The following ABL1 variants were observed in gnomAD, a reference collection of about 807,000 sequenced individuals.
ABL1 encodes ABL proto-oncogene 1, non-receptor tyrosine kinase, also known as tyrosine-protein kinase ABL1.
Under a neutral mutation model 94.7 loss-of-function variants are expected in ABL1, and 11 were observed. The ratio of observed to expected loss-of-function variants is 0.12; its 90% CI spans 0.07 to 0.19. ABL1 has a LOEUF of 0.19. Ranked by LOEUF, ABL1 falls within the 10% of genes least tolerant of loss-of-function variation. The probability of loss-of-function intolerance (pLI) is 1.00; values close to 1 mark genes in which losing one functional copy is unlikely to be tolerated. For synonymous variants in ABL1, 656 were observed against 622.4 expected (o/e 1.05, Z -0.80); for missense variants, 1,082 against 1,489.4 (o/e 0.73, Z 4.50).
In ABL1 at chr9:130,880,165, A is replaced by T. The variant is rs773991002; in HGVS notation, c.1513+8A>T. On this transcript the variant is annotated splice_region_variant and intron_variant, in intron 9 of 10. Transcript: ENST00000318560. The surrounding 1 kb of genome is among the most constrained non-coding windows in gnomAD (Gnocchi z 4.4). ...AATCCAGTATCTCAGACGGTAAAGTACCCATCCCGGGGTACCTGCAGTGGG... is the reference window on the plus strand; with the variant it reads ...AATCCAGTATCTCAGACGGTAAAGTTCCCATCCCGGGGTACCTGCAGTGGG... 6.2e-7 allele frequency: 1 copy of T among 1,613,654 alleles called. No homozygotes were observed. Among genetic ancestry groups the T allele is most frequent in the Admixed American group, 1.7e-5 (1 of 59,998 alleles).
intron 1 of ABL1, among the ~76,000 whole-genome samples, chr9:130,822,013 T>C (rs1830369688): frequency 6.6e-6 from 1 of 152,162 alleles, no homozygotes; most frequent in African/African-American, 2.4e-5. Context: ...TAATTTTTTG[T>C]ATTTTTAGTA....
chr9:130,850,541 C>T (rs1400238977), intron 1 of ABL1, among the ~76,000 whole-genome samples: 2 of 152,208 alleles, frequency 1.3e-5, no homozygotes, highest in East Asian at 3.8e-4. Context: ...GAGTCTCACT[C>T]TGTTGCCCAG....
intron 6 of ABL1, among the ~76,000 whole-genome samples, chr9:130,874,612 C>T (rs992951400): frequency 6.6e-6 from 1 of 152,200 alleles, no homozygotes; most frequent in Non-Finnish European, 1.5e-5. Flanking sequence ...AACTGAGTCC[C>T]AGGGTAATTA....
Position 130,726,039 on chromosome 9 carries a change from C to T in ABL1, c.136+11584C>T, listed in dbSNP as rs147526442. ...AATTTAAAAAAAAAATTTATAGAGA[C>T]AGAGTCTTGCTATGGTGTCTAAGCT... On this transcript the variant is annotated intron_variant, in intron 1 of 10. Transcript: ENST00000372348. Among the ~76,000 whole-genome samples the T allele has an allele frequency of 6.8e-3, 1,031 of 151,388 alleles. 14 individuals carry two copies. Among genetic ancestry groups the T allele is most frequent in the African/African-American group, 0.023 (968 of 41,272 alleles).
intron 1 of ABL1, among the ~76,000 whole-genome samples, chr9:130,812,206 A>T (rs969466347): frequency 1.3e-5 from 2 of 149,516 alleles, no homozygotes; most frequent in African/African-American, 4.9e-5. Flanking sequence ...TCTACAAAAA[A>T]AAAAAAAAAA....
At position 130,884,843 on chromosome 9, in the gene ABL1, G is replaced by T; in HGVS notation, c.2553G>T (p.Val851=). The stretch of plus-strand genomic sequence containing the variant: ...GGACCCCTGCTGCAGCTGAGCCAGT[G>T]ACCCCCACCAGCAAAGCAGGCTCAG... The part of the protein sequence containing the change: ...ALGTPAAAEP[V]TPTSKAGSGA... Residue 851 remains valine, a synonymous_variant, in exon 11 of 11, where the codon GTG becomes GTT. Coordinates refer to ENST00000318560, the MANE Select transcript of ABL1 (RefSeq NM_005157.6). The surrounding 1 kb of genome is among the most constrained non-coding windows in gnomAD (Gnocchi z 5.6). The T allele has an allele frequency of 6.2e-7, 1 of 1,605,342 alleles. No individual in the cohort carries two copies. Among genetic ancestry groups the T allele is most frequent in the Non-Finnish European group, 8.5e-7 (1 of 1,175,314 alleles).
rs1395571758 is a variant in ABL1, at chr9:130,886,724, C to A, written c.*1041C>A. The A allele has an allele frequency of 4.3e-6, 1 of 233,496 alleles. No individual in the cohort carries two copies. Among genetic ancestry groups the A allele is most frequent in the Non-Finnish European group, 8.5e-6 (1 of 118,000 alleles). 14.5% of individuals were successfully genotyped at this position (233,496 alleles called of 1,614,324 possible). A position where few individuals can be genotyped will look rare whatever the true frequency, so the allele number is the denominator to read the frequency against. ...TCTTACAAGGCCCTTTCCTTTGGAA[C>A]AAGACAGCCTTCACTTTTCTGAGTT... On this transcript the variant is annotated 3_prime_UTR_variant, in exon 11 of 11. Transcript: ENST00000318560.
intron 1 of ABL1, among the ~76,000 whole-genome samples, chr9:130,841,017 A>G (rs1830661806): frequency 6.6e-6 from 1 of 152,184 alleles, no homozygotes; most frequent in Non-Finnish European, 1.5e-5. Context: ...TAGAATCGTT[A>G]CTCTGGAACA....
chr9:130,839,477 A>G (rs1191665160), intron 1 of ABL1, among the ~76,000 whole-genome samples: 3 of 152,200 alleles, frequency 2.0e-5, no homozygotes, highest in East Asian at 1.9e-4. Context: ...TTTGGGTGCT[A>G]TTAACATTGT....
intron 1 of ABL1, among the ~76,000 whole-genome samples, chr9:130,827,802 G>A (rs1199485062): frequency 1.3e-5 from 2 of 150,090 alleles, no homozygotes; most frequent in Non-Finnish European, 2.9e-5. Context: ...GCTGAGGCAG[G>A]AGAATTGCTT....
chr9:130,797,557 T>C (rs990514016), intron 1 of ABL1, among the ~76,000 whole-genome samples: 19 of 152,132 alleles, frequency 1.2e-4, no homozygotes, highest in African/African-American at 4.6e-4. Flanking sequence ...ATATTTTTAG[T>C]AGAGGCAGGG....
In ABL1 at chr9:130,814,907, TAGTAAAATAAAAAAAATC is replaced by T. The variant is rs1235018788; in HGVS notation, c.137-39147_137-39130del. Among the ~76,000 whole-genome samples, 2 of 151,500 alleles carry T rather than the reference TAGTAAAATAAAAAAAATC, an allele frequency of 1.3e-5. No homozygotes were observed. The highest frequency in any genetic ancestry group is 2.4e-5 in the African/African-American group (1 of 41,220). On this transcript the variant is annotated intron_variant, in intron 1 of 10. Coordinates refer to the ABL1 transcript ENST00000372348. This position sits in a 1 kb window ranked among gnomAD's most constrained non-coding sequence, Gnocchi z 4.4. ...AATAAAATAAAATAAAAATAAAGTTTAGTAAAATAAAAAAAATCAGTAAAATACAAATAAAATTTAGTA... is the reference window on the plus strand; with the variant it reads ...AATAAAATAAAATAAAAATAAAGTTTAGTAAAATACAAATAAAATTTAGTA...
chr9:130,879,892 A>G (rs79235826), intron 8 of ABL1, among the ~76,000 whole-genome samples, 176 bp from the exon 9 acceptor site: 2 of 152,224 alleles, frequency 1.3e-5, no homozygotes, highest in South Asian at 2.1e-4. Flanking sequence ...CGTCTTTTCA[A>G]ATTCTTAATG....
chr9:130,768,825 C>G (rs1461578549), intron 1 of ABL1, among the ~76,000 whole-genome samples: 1 of 152,172 alleles, frequency 6.6e-6, no homozygotes, highest in African/African-American at 2.4e-5. Flanking sequence ...TCATTGGGAA[C>G]AGCTACATAA....
chr9:130,740,861 C>A (rs2583843), intron 1 of ABL1, among the ~76,000 whole-genome samples: 70,944 of 137,314 alleles, frequency 0.52, 19,689 homozygotes, highest in African/African-American at 0.73. Context: ...GGGTCTCACT[C>A]TGTTGAACTC....
intron 1 of ABL1, among the ~76,000 whole-genome samples, chr9:130,756,101 A>C (rs561135203): frequency 6.6e-6 from 1 of 152,326 alleles, no homozygotes; most frequent in African/African-American, 2.4e-5. Context: ...AGGGGCAACC[A>C]CTTTTCTCAT....
chr9:130,773,253 A>T (rs886882164), intron 1 of ABL1, among the ~76,000 whole-genome samples: 2 of 152,214 alleles, frequency 1.3e-5, no homozygotes, highest in African/African-American at 4.8e-5. Flanking sequence ...TGGGAAGTGG[A>T]GGTTGCAGTG....
At chr9:130,801,748 C>G (rs759374349) in intron 1 of ABL1, among the ~76,000 whole-genome samples, 1 of 152,060 alleles carries the variant, frequency 6.6e-6, no homozygotes, top group Non-Finnish European at 1.5e-5. Flanking sequence ...TCATGTGTTC[C>G]GATGAGAAGT....
intron 1 of ABL1, among the ~76,000 whole-genome samples, chr9:130,766,580 C>A (rs1176086841): frequency 6.6e-6 from 1 of 152,120 alleles, no homozygotes; most frequent in Non-Finnish European, 1.5e-5. Context: ...GTTTTTGATG[C>A]CTTAGGACTT....
Sources: allele counts gnomAD v4.1 joint callset (sites outside exome capture counted in the v4.1 genomes callset), GRCh38; gene constraint gnomAD v4.1.1; non-coding constraint Gnocchi (gnomAD v3.1); transcripts MANE v1.5; gene names NCBI Gene and HGNC (gene_info 2026-07-23, HGNC 2026-07-21).